Variants in MORC1 observed in about 807,000 individuals in gnomAD.
The protein encoded by MORC1 is MORC family CW-type zinc finger protein 1.
Under a neutral mutation model 134.9 loss-of-function variants are expected in MORC1, and 59 were observed. The observed-to-expected ratio is 0.44, with a 90% CI of 0.35 to 0.54. MORC1 has a LOEUF of 0.54. MORC1 is among the 20% of genes least tolerant of loss of function. The probability of loss-of-function intolerance (pLI) is 0.00; values close to 1 mark genes in which losing one functional copy is unlikely to be tolerated. For missense variants in MORC1, 947 were observed against 1,134.5 expected (o/e 0.83, Z 2.37); for synonymous variants, 395 against 391.7 (o/e 1.01, Z -0.10).
intron 14 of MORC1, among the ~76,000 whole-genome samples, chr3:109,050,815 C>T (rs1236774185): frequency 6.6e-6 from 1 of 152,142 alleles, no homozygotes; most frequent in Non-Finnish European, 1.5e-5. Context: ...GGCCTGCATT[C>T]AGTCTTAAAA....
Position 109,116,514 on chromosome 3 carries a change from T to C in MORC1, c.65+1481A>G, listed in dbSNP as rs1951277867. 5.3e-5 allele frequency among the ~76,000 whole-genome samples: 8 copies of C among 152,220 alleles called. No individual in the cohort carries two copies. The South Asian group carries it at 1.7e-3, about 32-fold the overall frequency. On this transcript the variant is annotated intron_variant, in intron 1 of 27. Transcript: ENST00000232603. ...GGCAGAGCTCAGTGGCTCATGACTG[T>C]AATCCCAGCACTCCGGGAGGCCGAA...
rs781321420 is a variant in MORC1 at position 109,099,374 on chromosome 3, T to C, written c.407A>G (p.Glu136Gly). ...AACTCTTACCTCACTAAGACTTTCT[T>C]CTTCACAGAATGTCTGAGAAAAAAA... The part of the protein sequence containing the change: ...CVFFSQTFCE[E>G]ESLSEVVVPM... The change falls in exon 6 of 28, where the codon GAA becomes GGA. Residue 136 changes from glutamate to glycine, a missense_variant. Physicochemically the swap from Glu to Gly is moderately conservative, Grantham distance 98. Transcript: ENST00000232603. The C allele has an allele frequency of 1.2e-6, 2 of 1,610,640 alleles. No homozygotes were observed. The highest frequency in any genetic ancestry group is 1.7e-6 in the Non-Finnish European group (2 of 1,178,654).
intron 24 of MORC1, 89 bp downstream of exon 24, chr3:108,979,426 A>G (rs1247843417): frequency 1.4e-6 from 2 of 1,392,780 alleles, no homozygotes; most frequent in Non-Finnish European, 2.0e-6. Flanking sequence ...ATTCAGTATC[A>G]TTAAAACTCA....
At chr3:109,051,982 T>G (rs1949841969) in intron 14 of MORC1, among the ~76,000 whole-genome samples, 1 of 152,174 alleles carries the variant, frequency 6.6e-6, no homozygotes, top group African/African-American at 2.4e-5. Flanking sequence ...TTAAATCTAA[T>G]GCCTACCTCT....
chr3:109,111,909 C>G (rs777643433), intron 2 of MORC1, among the ~76,000 whole-genome samples: 11 of 152,194 alleles, frequency 7.2e-5, no homozygotes, highest in Admixed American at 1.3e-4. Context: ...TATAGACACT[C>G]TGGAGTTACC....
chr3:109,035,019 G>A (rs1351627592), intron 15 of MORC1, among the ~76,000 whole-genome samples: 2 of 152,094 alleles, frequency 1.3e-5, no homozygotes, highest in African/African-American at 4.8e-5. Flanking sequence ...TAAGTGCTAG[G>A]ATTATAGGCA....
chr3:108,968,315 C>A (rs1421208524), intron 26 of MORC1, among the ~76,000 whole-genome samples: 3 of 152,146 alleles, frequency 2.0e-5, no homozygotes, highest in Non-Finnish European at 4.4e-5. Flanking sequence ...CCTTTTATTT[C>A]CAGTTGTTTA....
chr3:109,032,064 C>T (rs1949253408), intron 16 of MORC1, among the ~76,000 whole-genome samples: 2 of 152,060 alleles, frequency 1.3e-5, no homozygotes, highest in Admixed American at 6.6e-5. Flanking sequence ...AATAACCAAA[C>T]AGGAGTTATT....
At chr3:109,105,043 A>G (rs1951001029) in intron 3 of MORC1, among the ~76,000 whole-genome samples, 1 of 152,036 alleles carries the variant, frequency 6.6e-6, no homozygotes, top group African/African-American at 2.4e-5. Flanking sequence ...TTCTGTCCCC[A>G]TAGATTCATT....
At chr3:108,990,898 T>TTCTCTCTCTCTCTC (rs34333221) in intron 21 of MORC1, among the ~76,000 whole-genome samples, 4 of 145,756 alleles carry the variant, frequency 2.7e-5, no homozygotes, top group African/African-American at 1.0e-4. Context: ...GTTTCTCTCT[T>TTCTCTCTCTCTCTC]TCTCTCTCTC....
intron 14 of MORC1, among the ~76,000 whole-genome samples, chr3:109,047,753 G>C (rs763763517): frequency 2.0e-5 from 3 of 152,154 alleles, no homozygotes; most frequent in Non-Finnish European, 4.4e-5. Flanking sequence ...TTCTTTAGCA[G>C]TATAGAGTTC....
intron 17 of MORC1, among the ~76,000 whole-genome samples, chr3:109,012,463 T>A (rs1243295067): frequency 6.6e-6 from 1 of 152,230 alleles, no homozygotes; most frequent in East Asian, 1.9e-4. Flanking sequence ...GTTTTTAGTA[T>A]CTATCAAAAT....
At chr3:109,036,831 G>T (rs1949391092) in intron 14 of MORC1, among the ~76,000 whole-genome samples, 1 of 152,102 alleles carries the variant, frequency 6.6e-6, no homozygotes, top group Non-Finnish European at 1.5e-5. Flanking sequence ...TTTTCCTTTG[G>T]ATTTGGCTTT....
At chr3:109,008,446 GTATA>G (rs3054412) in intron 17 of MORC1, among the ~76,000 whole-genome samples, 4 of 148,962 alleles carry the variant, frequency 2.7e-5, no homozygotes, top group African/African-American at 4.9e-5. Flanking sequence ...AGAGTGCAGA[GTATA>G]TATATATATA....
intron 9 of MORC1, among the ~76,000 whole-genome samples, chr3:109,067,020 G>A (rs1950213507): frequency 6.6e-6 from 1 of 152,212 alleles, no homozygotes; most frequent in Admixed American, 6.5e-5. Context: ...TGATAGGTGG[G>A]TGGGGTGTTA....
intron 20 of MORC1, among the ~76,000 whole-genome samples, chr3:109,002,565 A>T (rs767059247): frequency 6.6e-6 from 1 of 152,178 alleles, no homozygotes; most frequent in Non-Finnish European, 1.5e-5. Flanking sequence ...ACAAGGCAAA[A>T]AACCCAGCAT....
intron 18 of MORC1, among the ~76,000 whole-genome samples, chr3:109,005,549 T>A (rs1348928020): frequency 2.6e-5 from 4 of 152,170 alleles, no homozygotes; most frequent in Non-Finnish European, 4.4e-5. Flanking sequence ...TTTTGAGGAA[T>A]AAAAAGCCCA....
At chr3:108,993,655 T>C (rs952316664) in intron 21 of MORC1, among the ~76,000 whole-genome samples, 2 of 152,224 alleles carry the variant, frequency 1.3e-5, no homozygotes, top group Non-Finnish European at 2.9e-5. Context: ...GCAACTTCAG[T>C]AATCTGAAAT....
intron 21 of MORC1, among the ~76,000 whole-genome samples, chr3:108,994,219 C>A (rs1948139297): frequency 1.3e-5 from 2 of 152,046 alleles, no homozygotes; most frequent in Non-Finnish European, 2.9e-5. Context: ...ATAATAAATA[C>A]AAGGTTTCAT....
Sources: gnomAD v4.1 joint callset for allele counts (sites outside exome capture counted in the v4.1 genomes callset) on GRCh38, gnomAD v4.1.1 for gene constraint, MANE v1.5 for transcripts, NCBI Gene and HGNC (gene_info 2026-07-23, HGNC 2026-07-21) for gene names.